DGKH: variants seen among roughly 807,000 people sequenced by gnomAD.
DGKH encodes the protein DAG kinase eta.
In DGKH, 90 loss-of-function variants were observed where a neutral mutation model predicts 159.3. The observed-to-expected ratio is 0.57, with a 90% confidence interval of 0.48 to 0.67. The LOEUF is 0.67. Among genes scored for constraint, DGKH ranks in the 30% least tolerant of loss-of-function variants. The probability of loss-of-function intolerance (pLI) is 0.00; values close to 1 mark genes in which losing one functional copy is unlikely to be tolerated. For synonymous variants in DGKH, 536 were observed against 553.8 expected (o/e 0.97, Z 0.45); for missense variants, 1,181 against 1,506.1 (o/e 0.78, Z 3.57).
At chr13:42,205,811 T>C (rs1381866699) in intron 20 of DGKH, among the ~76,000 whole-genome samples, 6 of 152,200 alleles carry the variant, frequency 3.9e-5, no homozygotes, top group Non-Finnish European at 7.3e-5. Flanking sequence ...GTAAAGCATT[T>C]CTTTAAAAAT....
At chr13:42,116,388 C>T (rs1428641668) in intron 1 of DGKH, among the ~76,000 whole-genome samples, 1 of 152,202 alleles carries the variant, frequency 6.6e-6, no homozygotes, top group Non-Finnish European at 1.5e-5. Flanking sequence ...CCATCTCTCC[C>T]ATGACGCCAA....
chr13:42,133,115 G>A (rs1055460010), intron 3 of DGKH, among the ~76,000 whole-genome samples: 21 of 150,698 alleles, frequency 1.4e-4, no homozygotes, highest in African/African-American at 4.9e-4. Flanking sequence ...AGGTTGCAGT[G>A]AGTCGAGATT....
intron 1 of DGKH, chr13:42,066,739 T>C (rs993748174): frequency 3.9e-5 from 6 of 152,210 alleles, no homozygotes; most frequent in African/African-American, 7.2e-5. Context: ...TTTTGCATTT[T>C]TGTACTTTTT....
At chr13:42,219,572 C>T in intron 27 of DGKH, 114 bp from the exon 28 acceptor site, 3 of 1,211,482 alleles carry the variant, frequency 2.5e-6, no homozygotes, top group Non-Finnish European at 3.4e-6. Context: ...GAAGTTATCA[C>T]TGTTCTATAA....
chr13:42,042,636 G>GTT (rs1880581473), intron 1 of DGKH, among the ~76,000 whole-genome samples: 2 of 152,098 alleles, frequency 1.3e-5, no homozygotes, highest in Admixed American at 1.3e-4. Flanking sequence ...CGGGACTGTT[G>GTT]GATAGCAGTT....
At chr13:42,119,727 T>C (rs1056073519) in intron 1 of DGKH, among the ~76,000 whole-genome samples, 4 of 152,212 alleles carry the variant, frequency 2.6e-5, no homozygotes, top group African/African-American at 9.6e-5. Context: ...TAATCATTTC[T>C]AAATGTGCAT....
At chr13:42,195,512 C>T (rs1199325768) in intron 17 of DGKH, among the ~76,000 whole-genome samples, 4 of 152,090 alleles carry the variant, frequency 2.6e-5, no homozygotes, top group African/African-American at 9.7e-5. Flanking sequence ...AGAAAACAAA[C>T]AAACAAACAC....
intron 1 of DGKH, among the ~76,000 whole-genome samples, chr13:42,067,918 C>T (rs1300818805): frequency 6.6e-6 from 1 of 152,094 alleles, no homozygotes; most frequent in Admixed American, 6.5e-5. Flanking sequence ...TCATGTACAA[C>T]TTTTAAACTA....
At chr13:42,155,822 T>A in intron 5 of DGKH, 23 bp downstream of exon 5, 1 of 1,613,706 alleles carries the variant, frequency 6.2e-7, no homozygotes, top group African/African-American at 1.3e-5. Flanking sequence ...CTAGCATGTG[T>A]TTTCTCCCAA....
chr13:42,092,713 ATTGT>A (rs1390830369), intron 1 of DGKH, among the ~76,000 whole-genome samples: 1 of 152,174 alleles, frequency 6.6e-6, no homozygotes, highest in East Asian at 1.9e-4. Context: ...TTAATAATTT[ATTGT>A]TTATTTCAAG....
At chr13:42,181,777 A>G (rs1464749929) in intron 13 of DGKH, 8 of 608,364 alleles carry the variant, frequency 1.3e-5, no homozygotes, top group African/African-American at 1.1e-4. Flanking sequence ...GGCTGCCAGG[A>G]TGCAGCAGCA....
chr13:42,198,593 C>T lies in DGKH; in HGVS notation c.2283C>T (p.Ser761=), dbSNP rs748975431. 6.9e-6 allele frequency: 11 copies of T among 1,603,900 alleles called. No individual in the cohort carries two copies. The highest frequency in any genetic ancestry group is 1.1e-5 in the South Asian group (1 of 87,792). The change falls in exon 18 of 30, where the codon TCC becomes TCT. Residue 761 remains serine, a splice_region_variant and synonymous_variant. Coordinates refer to ENST00000337343, the MANE Select transcript of DGKH (RefSeq NM_178009.5). The stretch of plus-strand genomic sequence containing the variant: ...CGTTTATTGACCCGGATCTAGATTC[C>T]GTGTAAGAAAATGCTTTTGCAAATA... ...ATPFIDPDLD[S]VDGYSEKCVM...
At chr13:42,155,923 T>C (rs1956031663) in intron 5 of DGKH, 124 bp downstream of exon 5, 1 of 1,134,934 alleles carries the variant, frequency 8.8e-7, no homozygotes. Context: ...AAAATATTTT[T>C]GCTCAGGAAA....
chr13:42,098,533 G>A (rs1189648258), intron 1 of DGKH, among the ~76,000 whole-genome samples: 1 of 151,864 alleles, frequency 6.6e-6, no homozygotes, highest in African/African-American at 2.4e-5. Context: ...AATGTGTAGT[G>A]GCATTTGTGT....
chr13:42,084,865 GTTAAT>G (rs967397522), intron 1 of DGKH, among the ~76,000 whole-genome samples: 14 of 150,992 alleles, frequency 9.3e-5, no homozygotes, highest in African/African-American at 3.4e-4. Flanking sequence ...GATGTTAGTG[GTTAAT>G]TTAATCTTGC....
chr13:42,090,172 C>T (rs557480036), intron 1 of DGKH, among the ~76,000 whole-genome samples: 1 of 152,154 alleles, frequency 6.6e-6, no homozygotes, highest in Admixed American at 6.5e-5. Context: ...GGAGGGAAAA[C>T]TGCACTTAAA....
intron 3 of DGKH, among the ~76,000 whole-genome samples, chr13:42,137,582 G>A (rs1243571883): frequency 1.3e-5 from 2 of 152,154 alleles, no homozygotes; most frequent in African/African-American, 4.8e-5. Context: ...TGTGGTTTAG[G>A]TAGTATTCCT....
intron 3 of DGKH, among the ~76,000 whole-genome samples, chr13:42,143,024 G>A (rs889981711): frequency 1.3e-4 from 20 of 152,128 alleles, no homozygotes; most frequent in African/African-American, 4.8e-4. Flanking sequence ...TATGATATTG[G>A]CTGTGGGTTT....
chr13:42,209,944 T>A (rs2138200229), intron 23 of DGKH, among the ~76,000 whole-genome samples: 1 of 152,030 alleles, frequency 6.6e-6, no homozygotes, highest in East Asian at 1.9e-4. Flanking sequence ...TTCCTTATGG[T>A]CTACCTGTTC....
Sources: gnomAD v4.1 joint callset for allele counts (sites outside exome capture counted in the v4.1 genomes callset) on GRCh38, gnomAD v4.1.1 for gene constraint, MANE v1.5 for transcripts, NCBI Gene and HGNC (gene_info 2026-07-23, HGNC 2026-07-21) for gene names.